The following CPSF3 variants were observed in gnomAD, a reference collection of about 807,000 sequenced individuals.
The protein encoded by CPSF3 is cleavage and polyadenylation specificity factor subunit 3.
In CPSF3, 57 loss-of-function variants were observed where a neutral mutation model predicts 84.1. That is an observed-to-expected ratio of 0.68 (90% confidence interval 0.55 to 0.85). CPSF3 has a LOEUF of 0.85. CPSF3 is among the 40% of genes least tolerant of loss of function. The pLI, the probability that CPSF3 is intolerant of heterozygous loss-of-function variation, is 0.00. For missense variants in CPSF3, 522 were observed against 838.8 expected (o/e 0.62, Z 4.66); for synonymous variants, 275 against 278.1 (o/e 0.99, Z 0.11).
intron 15 of CPSF3, among the ~76,000 whole-genome samples, chr2:9,466,400 A>G (rs867272993): frequency 2.8e-4 from 41 of 147,720 alleles, no homozygotes; most frequent in Admixed American, 9.4e-4. Flanking sequence ...GCGCACACAC[A>G]CGCACGCGCA....
intron 1 of CPSF3, among the ~76,000 whole-genome samples, chr2:9,425,306 C>G (rs974601020): frequency 1.3e-5 from 2 of 152,220 alleles, no homozygotes; most frequent in African/African-American, 4.8e-5. Flanking sequence ...GAGTTTGGAC[C>G]TTTATCAAGT....
Position 9,467,683 on chromosome 2 carries a change from C to G in CPSF3, c.1787-24C>G, listed in dbSNP as rs868666972. On this transcript the variant is annotated intron_variant, in intron 15 of 17. Transcript: ENST00000238112. Reference sequence around the variant, plus strand: ...TGAATAGGAATTTAGAAACTGAACTCTCTGTCGCTTTTTTTTTTCCCAGGT... The same window carrying G: ...TGAATAGGAATTTAGAAACTGAACTGTCTGTCGCTTTTTTTTTTCCCAGGT... 8 of 1,572,944 alleles carry G rather than the reference C, an allele frequency of 5.1e-6. No individual in the cohort carries two copies. In the Middle Eastern group the frequency reaches 1.0e-3, roughly 200 times the overall value.
chr2:9,447,178 G>C (rs1681154067), intron 10 of CPSF3, among the ~76,000 whole-genome samples: 1 of 152,148 alleles, frequency 6.6e-6, no homozygotes. Flanking sequence ...TGTTCCATTT[G>C]GTTCTGAAAT....
chr2:9,450,172 G>A (rs1337021500), intron 11 of CPSF3, among the ~76,000 whole-genome samples: 7 of 132,448 alleles, frequency 5.3e-5, no homozygotes, highest in Non-Finnish European at 9.6e-5. Flanking sequence ...TTTTTTTTTA[G>A]AAGGAGTCTT....
intron 8 of CPSF3, chr2:9,441,612 C>G (rs7582154): frequency 7.2e-6 from 4 of 552,958 alleles, no homozygotes; most frequent in East Asian, 3.1e-5. Context: ...GTGAACTTAC[C>G]GCTTTTTATT....
In CPSF3 at chr2:9,441,945, C is replaced by T. The variant is rs1680969711; in HGVS notation, c.1064C>T (p.Ala355Val). The T allele has an allele frequency of 6.2e-7, 1 of 1,614,010 alleles. No homozygotes were observed. The highest frequency in any genetic ancestry group is 8.5e-7 in the Non-Finnish European group (1 of 1,179,938). ...CTDKRNGVIIAGYCVEGTLAK... is the reference protein window; with the variant it reads ...CTDKRNGVIIVGYCVEGTLAK... ...GATAAGAGGAATGGTGTCATTATAG[C>T]GGGATACTGTGTAGAAGGGACACTT... Residue 355 changes from alanine (A) to valine (V), a missense_variant, in exon 9 of 18, where the codon GCG becomes GTG. Around this residue, in one of 2 missense-constraint regions of CPSF3, gnomAD observed 329 missense variants for 607.2 expected, o/e 0.54. Transcript: ENST00000238112.
chr2:9,464,438 G>A (rs1401645002), intron 15 of CPSF3, among the ~76,000 whole-genome samples: 1 of 151,904 alleles, frequency 6.6e-6, no homozygotes, highest in East Asian at 1.9e-4. Flanking sequence ...AATATATTTT[G>A]TGAGATTGTT....
intron 9 of CPSF3, among the ~76,000 whole-genome samples, chr2:9,443,269 T>C (rs560769616): frequency 6.6e-6 from 1 of 152,296 alleles, no homozygotes; most frequent in South Asian, 2.1e-4. Flanking sequence ...AGCATAAGAG[T>C]TATGATTCTC....
At chr2:9,428,703 GT>G (rs1680476070) in intron 1 of CPSF3, 61 bp from the exon 2 acceptor site, 2 of 1,183,898 alleles carry the variant, frequency 1.7e-6, no homozygotes, top group Admixed American at 3.7e-5. Flanking sequence ...AAAAGTGTAA[GT>G]TTATTGGACT....
chr2:9,458,502 A>G (rs1298853600), intron 14 of CPSF3, among the ~76,000 whole-genome samples: 1 of 152,148 alleles, frequency 6.6e-6, no homozygotes, highest in East Asian at 1.9e-4. Flanking sequence ...AAAAGGGGGA[A>G]GTTATTGGAG....
In CPSF3 at chr2:9,456,390, A is replaced by G. The variant is rs531610385; in HGVS notation, c.1604-543A>G. On this transcript the variant is annotated intron_variant, in intron 13 of 17. Transcript: ENST00000238112. Reference sequence around the variant, plus strand: ...CGCTCTTCATGACTCATGAAGTACCACCATAAAATAAACCAGTAGAAAGAA... The same window carrying G: ...CGCTCTTCATGACTCATGAAGTACCGCCATAAAATAAACCAGTAGAAAGAA... Among the ~76,000 whole-genome samples the G allele has an allele frequency of 3.9e-5, 6 of 152,364 alleles. No homozygotes were observed. In the East Asian group the frequency reaches 1.2e-3, roughly 29 times the overall value.
intron 12 of CPSF3, among the ~76,000 whole-genome samples, chr2:9,455,450 C>A (rs549385676): frequency 6.6e-6 from 1 of 152,196 alleles, no homozygotes; most frequent in South Asian, 2.1e-4. Context: ...TGCTTTCTTA[C>A]AGCTGGAGCA....
rs551942056 is a variant in CPSF3, at chr2:9,459,050, T to G, written c.1699-481T>G. Among the ~76,000 whole-genome samples the G allele has an allele frequency of 1.5e-4, 22 of 151,634 alleles. No individual in the cohort carries two copies. In the East Asian group the frequency reaches 4.3e-3, roughly 29 times the overall value. The stretch of plus-strand genomic sequence containing the variant: ...TTACTTGAACCTGGGAGGCAGAGGT[T>G]GCAGTGAGCCAAGATCACGCCATTG... On this transcript the variant is annotated intron_variant, in intron 14 of 17. Coordinates refer to ENST00000238112, the MANE Select transcript of CPSF3 (RefSeq NM_016207.4).
At chr2:9,453,917 A>G (rs1681420051) in intron 12 of CPSF3, among the ~76,000 whole-genome samples, 1 of 152,004 alleles carries the variant, frequency 6.6e-6, no homozygotes, top group African/African-American at 2.4e-5. Context: ...GCACAAAACT[A>G]ATAAGATTAC....
At chr2:9,446,552 GC>G (rs2124832547) in intron 10 of CPSF3, among the ~76,000 whole-genome samples, 1 of 144,010 alleles carries the variant, frequency 6.9e-6, no homozygotes, top group East Asian at 2.0e-4. Context: ...CTAGACTCTA[GC>G]CTGGGCGACG....
chr2:9,439,588 A>G (rs544451758), intron 7 of CPSF3, among the ~76,000 whole-genome samples: 352 of 152,310 alleles, frequency 2.3e-3, no homozygotes, highest in Non-Finnish European at 4.0e-3. Context: ...TACTACCCTG[A>G]TAAAATTTTG....
At chr2:9,469,116 G>GAGATT (rs1303798647) in intron 16 of CPSF3, among the ~76,000 whole-genome samples, 5 of 152,204 alleles carry the variant, frequency 3.3e-5, no homozygotes, top group Non-Finnish European at 7.3e-5. Flanking sequence ...GAAAAGGCCA[G>GAGATT]AGATTTTACT....
At chr2:9,470,307 T>C (rs1484119734) in intron 16 of CPSF3, among the ~76,000 whole-genome samples, 1 of 152,234 alleles carries the variant, frequency 6.6e-6, no homozygotes, top group African/African-American at 2.4e-5. Flanking sequence ...GAGCAGTAAC[T>C]GCCTGAAGAT....
intron 6 of CPSF3, among the ~76,000 whole-genome samples, chr2:9,434,785 T>C (rs1315417396): frequency 6.6e-6 from 1 of 152,152 alleles, no homozygotes; most frequent in Non-Finnish European, 1.5e-5. Flanking sequence ...TTGCTGACTG[T>C]AGAGTCAGGG....
Sources: allele counts gnomAD v4.1 joint callset (sites outside exome capture counted in the v4.1 genomes callset), GRCh38; gene constraint gnomAD v4.1.1; regional missense constraint gnomAD v4.1.1; transcripts MANE v1.5; gene names NCBI Gene and HGNC (gene_info 2026-07-23, HGNC 2026-07-21).